GPHN: variants seen among roughly 807,000 people sequenced by gnomAD.
GPHN encodes the protein gephyrin.
A neutral mutation model predicts 95.5 loss-of-function variants in GPHN; 17 were observed. That is an observed-to-expected ratio of 0.18 (90% confidence interval 0.12 to 0.27). The LOEUF (loss-of-function observed/expected upper bound fraction) is 0.27. Ranked by LOEUF, GPHN falls within the 10% of genes least tolerant of loss-of-function variation. The pLI is 1.00. For synonymous variants in GPHN, 320 were observed against 322.5 expected (o/e 0.99, Z 0.08); for missense variants, 660 against 978.1 (o/e 0.67, Z 4.34).
At chr14:67,022,389 C>T (rs2073675075) in intron 9 of GPHN, among the ~76,000 whole-genome samples, 1 of 151,692 alleles carries the variant, frequency 6.6e-6, no homozygotes, top group Admixed American at 6.6e-5. Context: ...TGATTTATTT[C>T]CCATTTGGTC....
intron 19 of GPHN, among the ~76,000 whole-genome samples, chr14:67,164,270 CAA>C (rs780524695): frequency 0.085 from 3,948 of 46,448 alleles, 35 homozygotes; most frequent in Non-Finnish European, 0.11. Context: ...ACTCCATCTC[CAA>C]AAAAAAAAAA....
chr14:67,387,303 G>T, the GPHN span: 1 of 1,594,936 alleles, frequency 6.3e-7, no homozygotes, highest in South Asian at 1.1e-5. Context: ...GTAGGAGGGA[G>T]GAATCCTGGT....
intron 1 of GPHN, among the ~76,000 whole-genome samples, chr14:66,597,056 T>G (rs2062013995): frequency 6.6e-6 from 1 of 152,112 alleles, no homozygotes; most frequent in South Asian, 2.1e-4. Flanking sequence ...CAGGGGGCAT[T>G]GTTTATGGGG....
In GPHN at chr14:66,832,387, A is replaced by G. The variant is rs527394159; in HGVS notation, c.294+7821A>G. ...AGTACTACCTGTTATCTCTAATTAGATATGGTAGCTCCAAATACTTTTGCT... is the reference window on the plus strand; with the variant it reads ...AGTACTACCTGTTATCTCTAATTAGGTATGGTAGCTCCAAATACTTTTGCT... On this transcript the variant is annotated intron_variant, in intron 4 of 22. Transcript: ENST00000478722. Among the ~76,000 whole-genome samples, 30 of 152,300 alleles carry G rather than the reference A, an allele frequency of 2.0e-4. 1 individual carries two copies. The East Asian group carries it at 5.8e-3, about 29-fold the overall frequency.
the GPHN span, among the ~76,000 whole-genome samples, chr14:67,341,788 G>A: frequency 6.6e-6 from 1 of 152,246 alleles, no homozygotes; most frequent in Non-Finnish European, 1.5e-5. Context: ...TGGTTGCTGT[G>A]TCTGTGTAGA....
chr14:67,095,966 CAAA>C, intron 12 of GPHN, among the ~76,000 whole-genome samples: 24,197 of 66,896 alleles, frequency 0.36, 4,105 homozygotes, highest in African/African-American at 0.6. Flanking sequence ...AAGAAAAAGG[CAAA>C]AAAAAAAAAA....
At chr14:66,510,343 G>A (rs1467269185) in intron 1 of GPHN, among the ~76,000 whole-genome samples, 1 of 152,160 alleles carries the variant, frequency 6.6e-6, no homozygotes, top group Non-Finnish European at 1.5e-5. Flanking sequence ...AAGTTAAACC[G>A]TAGAAACATT....
rs562859275 is a variant in GPHN at position 67,079,152 on chromosome 14, A to G, written c.1145-9831A>G. On this transcript the variant is annotated intron_variant, in intron 11 of 22. Coordinates refer to ENST00000478722, the MANE Select transcript of GPHN (RefSeq NM_020806.5). ...TATGACTTTCCTAAATATCACATAT[A>G]GAAATGAAATATGCTTCTTTAAAAC... 3.3e-5 allele frequency among the ~76,000 whole-genome samples: 5 copies of G among 152,254 alleles called. No individual in the cohort carries two copies. In the East Asian group the frequency reaches 7.7e-4, roughly 23 times the overall value.
chr14:66,708,648 T>G (rs2069325104), intron 2 of GPHN, among the ~76,000 whole-genome samples: 1 of 152,146 alleles, frequency 6.6e-6, no homozygotes. Flanking sequence ...AGAGCAGTAA[T>G]TTACTGAGTC....
intron 3 of GPHN, among the ~76,000 whole-genome samples, chr14:66,823,550 T>C (rs182777083): frequency 6.6e-6 from 1 of 152,334 alleles, no homozygotes; most frequent in African/African-American, 2.4e-5. Context: ...TTTTTAAAAA[T>C]AGTTTGTTGC....
the GPHN span, among the ~76,000 whole-genome samples, chr14:67,701,329 T>G: frequency 6.6e-6 from 1 of 151,568 alleles, no homozygotes; most frequent in African/African-American, 2.4e-5. Flanking sequence ...AGGACCAAAA[T>G]CTCAATCTTT....
At chr14:66,637,676 T>C (rs576717859) in intron 1 of GPHN, among the ~76,000 whole-genome samples, 5 of 152,162 alleles carry the variant, frequency 3.3e-5, no homozygotes, top group Non-Finnish European at 5.9e-5. Context: ...TCCAGAAATA[T>C]AGTCTAGCTG....
intron 9 of GPHN, among the ~76,000 whole-genome samples, chr14:67,006,818 T>C (rs1253500487): frequency 6.6e-6 from 1 of 152,124 alleles, no homozygotes; most frequent in African/African-American, 2.4e-5. Context: ...AAAGAGATTA[T>C]ATGAGGAAAT....
the GPHN span, among the ~76,000 whole-genome samples, chr14:67,455,987 G>A: frequency 6.6e-6 from 1 of 152,176 alleles, no homozygotes; most frequent in Non-Finnish European, 1.5e-5. Context: ...AAACTAAAGA[G>A]CTTCTACACA....
chr14:67,136,070 ATTG>A (rs1474215392), intron 17 of GPHN, among the ~76,000 whole-genome samples: 21 of 152,056 alleles, frequency 1.4e-4, no homozygotes, highest in Non-Finnish European at 5.9e-5. Context: ...ATTGCTTATT[ATTG>A]TTATTAAAAT....
intron 10 of GPHN, among the ~76,000 whole-genome samples, chr14:67,025,735 C>G (rs904867532): frequency 2.6e-5 from 4 of 152,106 alleles, no homozygotes; most frequent in Non-Finnish European, 5.9e-5. Flanking sequence ...AATCTTGGCC[C>G]TAATTAAGAA....
intron 4 of GPHN, among the ~76,000 whole-genome samples, chr14:66,863,736 C>T (rs1232877861): frequency 1.3e-5 from 2 of 151,996 alleles, no homozygotes; most frequent in Non-Finnish European, 2.9e-5. Context: ...GTCTCTTCAA[C>T]AAATGGTGCT....
chr14:67,435,141 AT>A, the GPHN span, among the ~76,000 whole-genome samples: 2,182 of 151,968 alleles, frequency 0.014, 59 homozygotes, highest in African/African-American at 0.05. Context: ...TAATTTTTGC[AT>A]TTTTAGTAGA....
the GPHN span, among the ~76,000 whole-genome samples, chr14:67,376,065 CG>C: frequency 6.6e-6 from 1 of 152,094 alleles, no homozygotes; most frequent in Non-Finnish European, 1.5e-5. Flanking sequence ...TTTTTTTTAT[CG>C]TGATTCTCTC....
Sources: allele counts gnomAD v4.1 joint callset (sites outside exome capture counted in the v4.1 genomes callset), GRCh38; gene constraint gnomAD v4.1.1; transcripts MANE v1.5; gene names NCBI Gene and HGNC (gene_info 2026-07-23, HGNC 2026-07-21).